LINGO2: variants seen among roughly 807,000 people sequenced by gnomAD.
LINGO2 encodes the protein leucine-rich repeat and immunoglobulin-like domain-containing nogo receptor-interacting protein 2.
LINGO2 carries 14 observed loss-of-function variants against 30.6 expected under a neutral mutation model. That is an observed-to-expected ratio of 0.46 (90% CI 0.30 to 0.72). LINGO2 has a LOEUF of 0.72. Ranked by LOEUF, LINGO2 falls within the 30% of genes least tolerant of loss-of-function variation. The pLI, the probability that LINGO2 is intolerant of heterozygous loss-of-function variation, is 0.07. For missense variants in LINGO2, 729 were observed against 751.7 expected (o/e 0.97, Z 0.35); for synonymous variants, 317 against 288.5 (o/e 1.10, Z -1.00).
At chr9:29,023,749 GAATT>G in the LINGO2 span, among the ~76,000 whole-genome samples, 5 of 152,070 alleles carry the variant, frequency 3.3e-5, no homozygotes, top group East Asian at 7.7e-4. Context: ...ATTAACCTGA[GAATT>G]AAGTATTAAA....
At chr9:28,490,320 G>T (rs1258086547) in intron 1 of LINGO2, among the ~76,000 whole-genome samples, 1 of 152,170 alleles carries the variant, frequency 6.6e-6, no homozygotes. Context: ...TCTATAGACT[G>T]CTCCTTACTA....
At chr9:27,956,234 G>A (rs186493568) in intron 5 of LINGO2, among the ~76,000 whole-genome samples, 15 of 152,232 alleles carry the variant, frequency 9.9e-5, no homozygotes, top group African/African-American at 2.6e-4. Flanking sequence ...GAGTCACTGC[G>A]CCTGGCCGAC....
At chr9:28,407,044 T>C (rs1822542595) in intron 2 of LINGO2, among the ~76,000 whole-genome samples, 1 of 152,140 alleles carries the variant, frequency 6.6e-6, no homozygotes, top group Non-Finnish European at 1.5e-5. Flanking sequence ...GAATATATGA[T>C]ACTACTACAT....
At chr9:28,539,971 A>G (rs894275393) in intron 1 of LINGO2, among the ~76,000 whole-genome samples, 3 of 152,226 alleles carry the variant, frequency 2.0e-5, no homozygotes, top group Middle Eastern at 3.4e-3. Context: ...TGCCCGAGTC[A>G]TTTACTTTCC....
At chr9:28,427,933 CT>C (rs1315167411) in intron 2 of LINGO2, among the ~76,000 whole-genome samples, 4 of 152,180 alleles carry the variant, frequency 2.6e-5, no homozygotes, top group African/African-American at 9.6e-5. Context: ...AATTGAGACC[CT>C]TGAAATCATC....
At chr9:29,179,684 C>A in the LINGO2 span, among the ~76,000 whole-genome samples, 3 of 152,140 alleles carry the variant, frequency 2.0e-5, no homozygotes, top group Admixed American at 6.5e-5. Context: ...GGATTACAGG[C>A]GTGAGCCTCC....
the LINGO2 span, among the ~76,000 whole-genome samples, chr9:29,162,825 T>C: frequency 5.9e-5 from 9 of 152,184 alleles, no homozygotes; most frequent in African/African-American, 2.2e-4. Flanking sequence ...ATACTCCTAC[T>C]ATTTTTCTAC....
At chr9:28,842,267 A>G in the LINGO2 span, among the ~76,000 whole-genome samples, 1 of 151,886 alleles carries the variant, frequency 6.6e-6, no homozygotes, top group East Asian at 1.9e-4. Flanking sequence ...TATTCCTCAT[A>G]TTAACTCTAC....
chr9:28,804,352 G>T, the LINGO2 span, among the ~76,000 whole-genome samples: 2 of 152,048 alleles, frequency 1.3e-5, no homozygotes, highest in Admixed American at 6.6e-5. Flanking sequence ...AGAAATTCCT[G>T]CAAGTGAAGT....
At chr9:28,933,853 T>C in the LINGO2 span, among the ~76,000 whole-genome samples, 1 of 152,236 alleles carries the variant, frequency 6.6e-6, no homozygotes, top group Non-Finnish European at 1.5e-5. Flanking sequence ...TGTGTAATCA[T>C]TTTCTCTTAT....
rs535177647 is a variant in LINGO2, at chr9:28,602,398, G to T, written c.-365+67802C>A. Among the ~76,000 whole-genome samples the T allele has an allele frequency of 3.4e-3, 520 of 152,162 alleles. 4 individuals are homozygous for T. The highest frequency in any genetic ancestry group is 4.5e-3 in the Non-Finnish European group (304 of 67,978). ...AATACATTTGGCTATTAATGACAAG[G>T]ACCATGAGTGGATAGAGACCCAGTT... On this transcript the variant is annotated intron_variant, in intron 1 of 5. Coordinates refer to ENST00000379992, the Ensembl canonical transcript of LINGO2.
chr9:27,955,703 T>G (rs1422425224), intron 5 of LINGO2, among the ~76,000 whole-genome samples: 1 of 152,050 alleles, frequency 6.6e-6, no homozygotes, highest in Non-Finnish European at 1.5e-5. Flanking sequence ...TTTGGAAGCT[T>G]GGGCTGTGTC....
chr9:27,970,420 T>C (rs906746382), intron 5 of LINGO2, among the ~76,000 whole-genome samples: 4 of 152,224 alleles, frequency 2.6e-5, no homozygotes, highest in Admixed American at 6.5e-5. Flanking sequence ...TTGTTCCTAA[T>C]TGATTAATCT....
chr9:29,052,107 G>T, the LINGO2 span, among the ~76,000 whole-genome samples: 1 of 151,896 alleles, frequency 6.6e-6, no homozygotes, highest in Non-Finnish European at 1.5e-5. Flanking sequence ...CTGATATTTT[G>T]GTATCTCCAT....
the LINGO2 span, among the ~76,000 whole-genome samples, chr9:28,813,721 G>T: frequency 6.6e-6 from 1 of 152,120 alleles, no homozygotes; most frequent in African/African-American, 2.4e-5. Context: ...AAACAAATCA[G>T]AATGAAGGTA....
the LINGO2 span, among the ~76,000 whole-genome samples, chr9:28,727,254 T>C: frequency 2.0e-5 from 3 of 152,012 alleles, no homozygotes; most frequent in Non-Finnish European, 4.4e-5. Flanking sequence ...TACCTGTCTA[T>C]GGGGAACTTG....
chr9:28,021,424 G>A (rs1011010681), intron 4 of LINGO2, among the ~76,000 whole-genome samples: 6 of 152,020 alleles, frequency 3.9e-5, no homozygotes, highest in African/African-American at 1.5e-4. Context: ...GGTCTATTTT[G>A]GTGAATGCTC....
At chr9:28,187,429 G>T (rs1306089324) in intron 4 of LINGO2, among the ~76,000 whole-genome samples, 1 of 151,214 alleles carries the variant, frequency 6.6e-6, no homozygotes, top group African/African-American at 2.4e-5. Flanking sequence ...GACGGAGGTT[G>T]CAGTGAGCTG....
intron 2 of LINGO2, among the ~76,000 whole-genome samples, chr9:28,380,698 C>T (rs1170181604): frequency 6.6e-6 from 1 of 151,994 alleles, no homozygotes; most frequent in African/African-American, 2.4e-5. Context: ...CAAAGTCTTT[C>T]TTAAAAGAGA....
Sources: allele counts gnomAD v4.1 joint callset (sites outside exome capture counted in the v4.1 genomes callset), GRCh38; gene constraint gnomAD v4.1.1; transcripts MANE v1.5; gene names NCBI Gene and HGNC (gene_info 2026-07-23, HGNC 2026-07-21).